NCAPD3: variants seen among roughly 807,000 people sequenced by gnomAD.
NCAPD3 encodes condensin-2 complex subunit D3.
A neutral mutation model predicts 182.9 loss-of-function variants in NCAPD3; 105 were observed. That is an observed-to-expected ratio of 0.57 (90% confidence interval 0.49 to 0.68). The LOEUF is 0.68. NCAPD3 is among the 30% of genes least tolerant of loss of function. The pLI is 0.00. For missense variants in NCAPD3, 1,944 were observed against 1,837.0 expected, an observed-to-expected ratio of 1.06 and a Z score of -1.07; for synonymous variants, 815 against 679.9, an observed-to-expected ratio of 1.20 and a Z score of -3.09.
chr11:134,177,067 A>G (rs2135974548), intron 23 of NCAPD3, 152 bp downstream of exon 23: 1 of 640,844 alleles, frequency 1.6e-6, no homozygotes, highest in South Asian at 2.0e-5. Flanking sequence ...AGGTTGTGCT[A>G]AACATCAGAA....
chr11:134,201,317 G>A (rs754510191), intron 13 of NCAPD3, among the ~76,000 whole-genome samples: 7 of 152,086 alleles, frequency 4.6e-5, no homozygotes, highest in Middle Eastern at 3.2e-3. Context: ...GAGCCACCAC[G>A]CCTGGCCCAG....
chr11:134,164,846 C>T (rs535913290), intron 27 of NCAPD3, among the ~76,000 whole-genome samples: 1 of 148,404 alleles, frequency 6.7e-6, no homozygotes, highest in Non-Finnish European at 1.5e-5. Flanking sequence ...TGAACACTCA[C>T]GTGTGACATG....
chr11:134,160,217 G>T, intron 28 of NCAPD3, 143 bp from the exon 29 acceptor site: 1 of 760,426 alleles, frequency 1.3e-6, no homozygotes, highest in Non-Finnish European at 2.0e-6. Flanking sequence ...AGTTAAGAAA[G>T]AAAAAAGCCC....
intron 24 of NCAPD3, among the ~76,000 whole-genome samples, chr11:134,171,963 C>T (rs538890626): frequency 9.2e-5 from 14 of 152,284 alleles, no homozygotes; most frequent in Non-Finnish European, 1.6e-4. Context: ...TGCTTGGTTT[C>T]GTGTTCCTTT....
chr11:134,168,105 T>C lies in NCAPD3; in HGVS notation c.3464A>G (p.Lys1155Arg), dbSNP rs1565527627. Residue 1155 changes from lysine (K) to arginine (R), a missense_variant, in exon 27 of 35, where the codon AAG becomes AGG. Around this residue, in one of 3 missense-constraint regions of NCAPD3, gnomAD observed 1,803 missense variants for 1,674.6 expected, o/e 1.08. Transcript: ENST00000534548. ...TFEVLSSKEI[K>R]LLAMRSKPDK... ...TGGTTTAGATCTCATTGCCAAAAGC[T>C]TGATCTCCTTTGAGCTGAGGACCTC... 6.2e-7 allele frequency: 1 copy of C among 1,614,186 alleles called. No homozygotes were observed. Among genetic ancestry groups the C allele is most frequent in the Non-Finnish European group, 8.5e-7 (1 of 1,180,000 alleles).
rs773009502 is a variant in NCAPD3 at position 134,220,652 on chromosome 11, T to C, written c.139A>G (p.Ile47Val). Residue 47 changes from isoleucine (I) to valine (V), a missense_variant, in exon 2 of 35, where the codon ATA becomes GTA. Coordinates refer to ENST00000534548, the MANE Select transcript of NCAPD3 (RefSeq NM_015261.3). ...GTGAATGCAGCCAATCCAGTCTCTA[T>C]GATCTCTGCTTCTATGCTGGGATCC... ...PLDPSIEAEI[I>V]ETGLAAFTKL... 6.8e-6 allele frequency: 11 copies of C among 1,614,088 alleles called. No homozygotes were observed. The Admixed American group carries it at 8.3e-5, about 12-fold the overall frequency.
chr11:134,176,824 G>C (rs1944180321), intron 23 of NCAPD3, among the ~76,000 whole-genome samples: 1 of 152,206 alleles, frequency 6.6e-6, no homozygotes, highest in South Asian at 2.1e-4. Context: ...CACTGGACTT[G>C]CAGAGCCCAG....
intron 32 of NCAPD3, 35 bp from the exon 33 acceptor site, chr11:134,153,398 G>T: frequency 6.2e-7 from 1 of 1,604,684 alleles, no homozygotes; most frequent in Non-Finnish European, 8.5e-7. Flanking sequence ...AGTGAAAGCC[G>T]CGTGGTCTAT....
chr11:134,157,351 A>G (rs943897012), intron 31 of NCAPD3, among the ~76,000 whole-genome samples: 1 of 152,242 alleles, frequency 6.6e-6, no homozygotes, highest in South Asian at 2.1e-4. Flanking sequence ...GACACTATCC[A>G]AAGTTTTTAA....
intron 8 of NCAPD3, 49 bp from the exon 9 acceptor site, chr11:134,205,020 G>T: frequency 6.9e-7 from 1 of 1,450,226 alleles, no homozygotes; most frequent in South Asian, 1.2e-5. Flanking sequence ...GTCAGCGACT[G>T]TCCCCAAAAA....
chr11:134,183,547 G>A (rs1159711271), intron 19 of NCAPD3, among the ~76,000 whole-genome samples: 3 of 152,164 alleles, frequency 2.0e-5, no homozygotes, highest in Non-Finnish European at 4.4e-5. Flanking sequence ...TAGCCTGGGT[G>A]ACAGAGTGAG....
intron 28 of NCAPD3, 48 bp from the exon 29 acceptor site, chr11:134,160,122 G>A (rs546211445): frequency 2.1e-5 from 34 of 1,593,362 alleles, no homozygotes; most frequent in Admixed American, 1.7e-4. Context: ...GAATAAAAAC[G>A]TAAAGCCCTA....
chr11:134,164,242 C>T (rs1477315537), intron 27 of NCAPD3, among the ~76,000 whole-genome samples: 1 of 152,188 alleles, frequency 6.6e-6, no homozygotes, highest in Non-Finnish European at 1.5e-5. Flanking sequence ...CTCAGCCTGA[C>T]ACACCAGACT....
Position 134,196,758 on chromosome 11 carries a change from G to C in NCAPD3, c.1616-2020C>G, listed in dbSNP as rs145314794. Reference sequence around the variant, plus strand: ...CCCCTTCCTAAGGACCAGACACTTAGTGGAGAATTCTAACAAATGTTAAAG... The same window carrying C: ...CCCCTTCCTAAGGACCAGACACTTACTGGAGAATTCTAACAAATGTTAAAG... On this transcript the variant is annotated intron_variant, in intron 13 of 34. Transcript: ENST00000534548. 4.2e-3 allele frequency among the ~76,000 whole-genome samples: 636 copies of C among 151,924 alleles called. 4 individuals are homozygous for C. Among genetic ancestry groups the C allele is most frequent in the African/African-American group, 0.015 (609 of 41,412 alleles).
intron 22 of NCAPD3, 133 bp from the exon 23 acceptor site, chr11:134,177,590 A>G (rs976051659): frequency 2.7e-6 from 2 of 746,530 alleles, no homozygotes; most frequent in Admixed American, 2.7e-5. Flanking sequence ...AATCACAAAC[A>G]ACAAAAAACT....
intron 3 of NCAPD3, among the ~76,000 whole-genome samples, chr11:134,214,252 A>G (rs951328198): frequency 1.3e-5 from 2 of 152,196 alleles, no homozygotes; most frequent in Admixed American, 6.5e-5. Context: ...TTAAAACTCA[A>G]TTACAGTAAG....
intron 16 of NCAPD3, among the ~76,000 whole-genome samples, chr11:134,192,374 C>T (rs141545742): frequency 4.3e-4 from 65 of 152,314 alleles, no homozygotes; most frequent in South Asian, 8.3e-4. Context: ...TTCGTGATAA[C>T]CAGTATTGGG....
chr11:134,184,581 A>T, intron 19 of NCAPD3, 56 bp downstream of exon 19: 1 of 1,236,542 alleles, frequency 8.1e-7, no homozygotes, highest in Non-Finnish European at 1.1e-6. Flanking sequence ...AAACACATAC[A>T]GTAACATCCT....
At chr11:134,183,084 G>A (rs774031623) in intron 19 of NCAPD3, 6 of 456,062 alleles carry the variant, frequency 1.3e-5, no homozygotes, top group Non-Finnish European at 2.2e-5. Context: ...CCCTGGGCCA[G>A]CAGCAAGCGG....
Sources: allele counts gnomAD v4.1 joint callset (sites outside exome capture counted in the v4.1 genomes callset), GRCh38; gene constraint gnomAD v4.1.1; regional missense constraint gnomAD v4.1.1; transcripts MANE v1.5; gene names NCBI Gene and HGNC (gene_info 2026-07-23, HGNC 2026-07-21).